VBP1: variants seen among roughly 807,000 people sequenced by gnomAD.
VBP1 encodes prefoldin subunit 3.
VBP1 carries 4 observed loss-of-function variants against 15.5 expected under a neutral mutation model. The ratio of observed to expected loss-of-function variants is 0.26; its 90% CI spans 0.13 to 0.59. The LOEUF is 0.59. Ranked by LOEUF, VBP1 falls within the 20% of genes least tolerant of loss-of-function variation. The pLI is 0.90. For synonymous variants in VBP1, 61 were observed against 52.1 expected, an observed-to-expected ratio of 1.17 and a Z score of -0.74; for missense variants, 108 against 139.6, an observed-to-expected ratio of 0.77 and a Z score of 1.14.
intron 2 of VBP1, among the ~76,000 whole-genome samples, chrX:155,220,527 CATAAT>C (rs1485056316): frequency 8.9e-6 from 1 of 111,815 alleles, no homozygotes; most frequent in Non-Finnish European, 1.9e-5. Context: ...GTTTTGAAAA[CATAAT>C]AGAATGGTTG....
In VBP1 at chrX:155,228,373, T is replaced by TG. The variant is rs1241921906; in HGVS notation, c.286-11_286-10insG. 3.4e-6 allele frequency: 4 copies of TG among 1,191,157 alleles called. No individual in the cohort carries two copies. Among genetic ancestry groups the TG allele is most frequent in the African/African-American group, 3.6e-5 (2 of 55,961 alleles). On this transcript the variant is annotated splice_polypyrimidine_tract_variant and intron_variant, in intron 3 of 5. Coordinates refer to ENST00000286428, the MANE Select transcript of VBP1 (RefSeq NM_003372.7). The stretch of plus-strand genomic sequence containing the variant: ...GTTTATGGTACTGTCATTTTTTTTT[T>TG]TGTTTTGAAGGAGTCCACCAACTCA...
At chrX:155,229,831 A>C (rs2074737256) in intron 4 of VBP1, among the ~76,000 whole-genome samples, 1 of 111,901 alleles carries the variant, frequency 8.9e-6, no homozygotes, top group African/African-American at 3.3e-5. Context: ...CAGAACAAAA[A>C]TCTTTGAGTC....
intron 4 of VBP1, among the ~76,000 whole-genome samples, chrX:155,229,155 C>G (rs1557310563): frequency 1.8e-5 from 2 of 111,960 alleles, no homozygotes; most frequent in African/African-American, 3.2e-5. Flanking sequence ...TAGGATCACT[C>G]TGGAGAGGCA....
chrX:155,224,022 G>A (rs1300924546), intron 2 of VBP1, among the ~76,000 whole-genome samples: 9 of 108,610 alleles, frequency 8.3e-5, no homozygotes, highest in African/African-American at 1.3e-4. Flanking sequence ...GGGCAGAGGC[G>A]CTCCCCACAT....
At chrX:155,223,621 C>G (rs932222131) in intron 2 of VBP1, among the ~76,000 whole-genome samples, 2 of 112,703 alleles carry the variant, frequency 1.8e-5, no homozygotes, top group Admixed American at 9.3e-5. Context: ...CAGCAACAAT[C>G]TGATCTCTCC....
intron 1 of VBP1, among the ~76,000 whole-genome samples, chrX:155,217,343 A>T (rs782721971): frequency 8.9e-6 from 1 of 112,184 alleles, no homozygotes; most frequent in East Asian, 2.8e-4. Flanking sequence ...GCTTTTTAAA[A>T]ATTTTATTTT....
At chrX:155,210,637 T>C (rs1344627425) in intron 2 of VBP1, among the ~76,000 whole-genome samples, 6 of 111,708 alleles carry the variant, frequency 5.4e-5, no homozygotes, top group Admixed American at 1.9e-4. Context: ...CTAGGTAAAA[T>C]CTCAGGACTT....
At chrX:155,217,842 A>C (rs1265569903) in intron 1 of VBP1, among the ~76,000 whole-genome samples, 4 of 111,484 alleles carry the variant, frequency 3.6e-5, no homozygotes, top group Non-Finnish European at 7.5e-5. Flanking sequence ...TAAGTGAGGT[A>C]TCCAGGGTTT....
At chrX:155,200,615 TA>T (rs1569560848) in intron 1 of VBP1, among the ~76,000 whole-genome samples, 2 of 106,144 alleles carry the variant, frequency 1.9e-5, no homozygotes, top group Non-Finnish European at 3.9e-5. Context: ...AAGCAGTGTG[TA>T]GAGGGAAATT....
upstream of VBP1, among the ~76,000 whole-genome samples, chrX:155,212,027 C>T: frequency 8.9e-6 from 1 of 111,778 alleles, no homozygotes; most frequent in Admixed American, 9.5e-5. Flanking sequence ...TAATATGTGC[C>T]CAAAGCCCTA....
chrX:155,215,824 A>G (rs985945513), upstream of VBP1, among the ~76,000 whole-genome samples: 3 of 112,147 alleles, frequency 2.7e-5, no homozygotes, highest in Non-Finnish European at 5.6e-5. Flanking sequence ...CTAGAAGCCT[A>G]GGTGGAGTTC....
intron 1 of VBP1, among the ~76,000 whole-genome samples, chrX:155,200,351 A>T (rs1392771558): frequency 9.4e-6 from 1 of 105,889 alleles, no homozygotes; most frequent in Non-Finnish European, 1.9e-5. Context: ...TTGACCACAT[A>T]GTTGGAAGTA....
intron 1 of VBP1, among the ~76,000 whole-genome samples, chrX:155,208,718 G>A (rs1305835263): frequency 1.8e-5 from 2 of 111,555 alleles, no homozygotes; most frequent in Non-Finnish European, 3.8e-5. Flanking sequence ...CTTTTTCTTT[G>A]CATCTGGCAT....
At chrX:155,197,478 T>C (rs1281506175) in intron 1 of VBP1, among the ~76,000 whole-genome samples, 1 of 112,404 alleles carries the variant, frequency 8.9e-6, no homozygotes, top group African/African-American at 3.2e-5. Context: ...TCTTTTAATA[T>C]TGCTTATTAA....
chrX:155,209,566 T>C (rs1455740823), intron 2 of VBP1, among the ~76,000 whole-genome samples: 3 of 112,276 alleles, frequency 2.7e-5, no homozygotes, highest in Non-Finnish European at 3.8e-5. Context: ...GCAGAAAGAA[T>C]AGGTTGAACA....
chrX:155,216,636 C>T (rs2074665925), intron 1 of VBP1, 61 bp downstream of exon 1: 2 of 1,155,626 alleles, frequency 1.7e-6, no homozygotes, highest in Non-Finnish European at 1.2e-6. Context: ...CCTTTCTTCC[C>T]GGCTCCCACC....
chrX:155,207,808 T>C (rs2074631245), intron 1 of VBP1, among the ~76,000 whole-genome samples: 1 of 112,010 alleles, frequency 8.9e-6, no homozygotes, highest in Non-Finnish European at 1.9e-5. Flanking sequence ...TTTCTGATTA[T>C]ATTTAATATA....
At position 155,236,373 on chromosome X, in the gene VBP1, C is replaced by T; in HGVS notation, c.523+6C>T. Reference sequence around the variant, plus strand: ...ATTTACTACCACAGAAGTCAGTATCCTTTCTTAAAACAAAAAGCAAGGGAA... The same window carrying T: ...ATTTACTACCACAGAAGTCAGTATCTTTTCTTAAAACAAAAAGCAAGGGAA... On this transcript the variant is annotated splice_donor_region_variant and intron_variant, in intron 5 of 5. Coordinates refer to ENST00000286428, the MANE Select transcript of VBP1 (RefSeq NM_003372.7). 5 of 1,191,742 alleles carry T rather than the reference C, an allele frequency of 4.2e-6. No individual in the cohort carries two copies. The highest frequency in any genetic ancestry group is 5.6e-6 in the Non-Finnish European group (5 of 887,522).
intron 1 of VBP1, chrX:155,208,853 G>A (rs916201943): frequency 3.8e-6 from 4 of 1,059,766 alleles, no homozygotes; most frequent in Non-Finnish European, 1.3e-6. Context: ...TTAACTGATT[G>A]TTTTCTTTTA....
Sources: gnomAD v4.1 joint callset for allele counts (sites outside exome capture counted in the v4.1 genomes callset) on GRCh38, gnomAD v4.1.1 for gene constraint, MANE v1.5 for transcripts, NCBI Gene and HGNC (gene_info 2026-07-23, HGNC 2026-07-21) for gene names.